The following MTR variants were observed in gnomAD, a reference collection of about 807,000 sequenced individuals.
The protein encoded by MTR is 5-methyltetrahydrofolate-homocysteine methyltransferase, also known as methionine synthase.
In MTR, 84 loss-of-function variants were observed where a neutral mutation model predicts 154.8. The ratio of observed to expected loss-of-function variants is 0.54; its 90% confidence interval spans 0.45 to 0.65. The LOEUF is 0.65. MTR is among the 30% of genes least tolerant of loss of function. The pLI, the probability that MTR is intolerant of heterozygous loss-of-function variation, is 0.00. For synonymous variants in MTR, 554 were observed against 553.9 expected (o/e 1.00, Z 0.00); for missense variants, 1,275 against 1,570.2 (o/e 0.81, Z 3.18).
At chr1:236,837,763 T>A (rs4659476) in intron 14 of MTR, among the ~76,000 whole-genome samples, 106,544 of 152,068 alleles carry the variant, frequency 0.7, 38,063 homozygotes, top group African/African-American at 0.83. Flanking sequence ...AGCCTAGATC[T>A]GTTGCCTCAT....
Position 236,899,447 on chromosome 1 carries a change from C to G in MTR, c.*1803C>G, listed in dbSNP as rs1666828756. 1 of 152,116 alleles carries G rather than the reference C, an allele frequency of 6.6e-6. No homozygotes were observed. Among genetic ancestry groups the G allele is most frequent in the African/African-American group, 2.4e-5 (1 of 41,424 alleles). The allele number at this position is 152,116 out of a possible 1,614,324, so 9.4% of individuals were successfully genotyped here. On this transcript the variant is annotated 3_prime_UTR_variant, in exon 33 of 33. Transcript: ENST00000366577. ...AGGAAGGACCACTCCCTAAGTAATC[C>G]CAGAACAATGGCTATTCATGTGGGA...
chr1:236,888,507 A>G (rs1468081711), intron 27 of MTR, among the ~76,000 whole-genome samples: 1 of 152,234 alleles, frequency 6.6e-6, no homozygotes, highest in Non-Finnish European at 1.5e-5. Flanking sequence ...CTACCATCTG[A>G]TTTTTAAAAA....
At chr1:236,820,589 A>T in intron 8 of MTR, 1 of 396,038 alleles carries the variant, frequency 2.5e-6, no homozygotes, top group Non-Finnish European at 4.5e-6. Context: ...CAGTTTCTTA[A>T]AAAAAAAAAA....
intron 26 of MTR, 94 bp downstream of exon 26, chr1:236,885,313 G>A (rs2147919298): frequency 1.2e-6 from 1 of 812,784 alleles, no homozygotes; most frequent in African/African-American, 1.7e-5. Context: ...GTTTTGAGGA[G>A]TGTAAAAGGC....
At chr1:236,842,672 C>CT (rs899967024) in intron 15 of MTR, among the ~76,000 whole-genome samples, 9 of 151,810 alleles carry the variant, frequency 5.9e-5, no homozygotes, top group African/African-American at 2.2e-4. Flanking sequence ...GTGCCAGGCC[C>CT]TATCCCTATT....
intron 3 of MTR, among the ~76,000 whole-genome samples, chr1:236,807,001 G>T (rs1558274148): frequency 6.6e-6 from 1 of 152,114 alleles, no homozygotes; most frequent in Non-Finnish European, 1.5e-5. Context: ...CATTTGGGTT[G>T]CTTCTACCTT....
intron 4 of MTR, among the ~76,000 whole-genome samples, chr1:236,809,038 C>T (rs1245479300): frequency 6.6e-6 from 1 of 152,178 alleles, no homozygotes; most frequent in African/African-American, 2.4e-5. Flanking sequence ...TAGCTAGGCC[C>T]CTGACTTCCT....
At chr1:236,869,860 C>T (rs1665028935) in intron 22 of MTR, among the ~76,000 whole-genome samples, 1 of 152,210 alleles carries the variant, frequency 6.6e-6, no homozygotes. Context: ...GCCTAGACTT[C>T]CCTGTTTCCT....
At chr1:236,862,017 T>C (rs1486452004) in intron 20 of MTR, among the ~76,000 whole-genome samples, 1 of 152,200 alleles carries the variant, frequency 6.6e-6, no homozygotes, top group African/African-American at 2.4e-5. Context: ...ATTGCAACAT[T>C]TGATTTCCAG....
At chr1:236,800,444 T>A in intron 1 of MTR, 2 of 985,422 alleles carry the variant, frequency 2.0e-6, no homozygotes, top group Non-Finnish European at 2.4e-6. Flanking sequence ...AGCTACATCC[T>A]TTTGAGAAGA....
rs776426879 is a variant in MTR, at chr1:236,812,821, A to G, written c.586A>G (p.Ile196Val). 2.9e-5 allele frequency: 47 copies of G among 1,614,104 alleles called. No individual in the cohort carries two copies. Among genetic ancestry groups the G allele is most frequent in the Admixed American group, 1.7e-4 (10 of 60,014 alleles). ...GGTTGATATCTTACTCATTGAAACT[A>G]TTTTTGATACTGCCAATGCCAAGGT... ...GGVDILLIET[I>V]FDTANAKAAL... Residue 196 changes from isoleucine (I) to valine (V), a missense_variant, in exon 6 of 33, where the codon ATT becomes GTT. Coordinates refer to ENST00000366577, the MANE Select transcript of MTR (RefSeq NM_000254.3).
chr1:236,897,780 A>G lies in MTR; in HGVS notation c.*136A>G, dbSNP rs561959801. 2 of 768,126 alleles carry G rather than the reference A, an allele frequency of 2.6e-6. No homozygotes were observed. Among genetic ancestry groups the G allele is most frequent in the South Asian group, 3.1e-5 (2 of 64,314 alleles). The allele number at this position is 768,126 out of a possible 1,614,324, so 47.6% of individuals were successfully genotyped here. Reference sequence around the variant, plus strand: ...TACCTGCTTCTGGTTTTCGAAGACTATTTAGTGGAACCTTGTAGAGGAGCA... The same window carrying G: ...TACCTGCTTCTGGTTTTCGAAGACTGTTTAGTGGAACCTTGTAGAGGAGCA... On this transcript the variant is annotated 3_prime_UTR_variant, in exon 33 of 33. Transcript: ENST00000366577.
At chr1:236,815,447 G>A (rs1421100581) in intron 6 of MTR, among the ~76,000 whole-genome samples, 157 bp from the exon 7 acceptor site, 1 of 152,178 alleles carries the variant, frequency 6.6e-6, no homozygotes, top group East Asian at 1.9e-4. Context: ...AAGGGGTGCT[G>A]GGGTTGTGCC....
At chr1:236,897,310 G>GCGCGCGCGCACACACGCACA in intron 32 of MTR, among the ~76,000 whole-genome samples, 192 bp downstream of exon 32, 1 of 128,614 alleles carries the variant, frequency 7.8e-6, no homozygotes, top group Non-Finnish European at 1.7e-5. Context: ...CCACACACAC[G>GCGCGCGCGCACACACGCACA]CACACACACA....
intron 25 of MTR, among the ~76,000 whole-genome samples, chr1:236,884,917 C>T (rs1451527343): frequency 6.6e-6 from 1 of 152,176 alleles, no homozygotes; most frequent in Non-Finnish European, 1.5e-5. Context: ...AAGGCCAGTC[C>T]CTTCTTTGGC....
rs371397385 is a variant in MTR at position 236,852,934 on chromosome 1, T to C, written c.1813-14T>C. 3 of 1,613,766 alleles carry C rather than the reference T, an allele frequency of 1.9e-6. No homozygotes were observed. Among genetic ancestry groups the C allele is most frequent in the African/African-American group, 2.7e-5 (2 of 74,904 alleles). ...ATCACTGTAAATTCTCATTTTTATT[T>C]GTATTGCCCTTAGTCTGGCATGGAC... On this transcript the variant is annotated splice_polypyrimidine_tract_variant and intron_variant, in intron 17 of 32. Transcript: ENST00000366577.
At chr1:236,857,945 C>T (rs1664296936) in intron 18 of MTR, among the ~76,000 whole-genome samples, 1 of 152,160 alleles carries the variant, frequency 6.6e-6, no homozygotes, top group African/African-American at 2.4e-5. Flanking sequence ...GAGATATTTG[C>T]ATGTAGCCAG....
rs1028850661 is a variant in MTR at position 236,903,610 on chromosome 1, A to C, written c.*5966A>C. ...GAACCTTGAGAGTGTATATTCTATG[A>C]AATGGAAGAAACAAGAACTAGACAG... On this transcript the variant is annotated 3_prime_UTR_variant, in exon 33 of 33. Transcript: ENST00000366577. The C allele has an allele frequency of 2.6e-5, 4 of 152,224 alleles. No homozygotes were observed. The South Asian group carries it at 8.3e-4, about 31-fold the overall frequency. The allele number at this position is 152,224 out of a possible 1,614,324, so 9.4% of individuals were successfully genotyped here.
At chr1:236,826,791 A>C in intron 10 of MTR, 38 bp from the exon 11 acceptor site, 1 of 1,575,824 alleles carries the variant, frequency 6.3e-7, no homozygotes, top group Non-Finnish European at 8.7e-7. Context: ...TTAGAATTCA[A>C]GTGAACTTGC....
Sources: gnomAD v4.1 joint callset for allele counts (sites outside exome capture counted in the v4.1 genomes callset) on GRCh38, gnomAD v4.1.1 for gene constraint, MANE v1.5 for transcripts, NCBI Gene and HGNC (gene_info 2026-07-23, HGNC 2026-07-21) for gene names.